Variants in ASNS observed in about 807,000 individuals in gnomAD.
ASNS encodes asparagine synthetase (glutamine-hydrolyzing).
Under a neutral mutation model 62.6 loss-of-function variants are expected in ASNS, and 37 were observed. The observed-to-expected ratio is 0.59, with a 90% CI of 0.45 to 0.78. The LOEUF (loss-of-function observed/expected upper bound fraction) is 0.78. ASNS is among the 30% of genes least tolerant of loss of function. ASNS has a pLI of 0.00. For missense variants in ASNS, 520 were observed against 682.4 expected (o/e 0.76, Z 2.65); for synonymous variants, 207 against 237.9 (o/e 0.87, Z 1.19).
the ASNS span, among the ~76,000 whole-genome samples, chr7:97,926,172 T>C: frequency 6.6e-6 from 1 of 151,246 alleles, no homozygotes; most frequent in African/African-American, 2.4e-5. Flanking sequence ...AAGCAACCCC[T>C]TGCCACCCAA....
intron 3 of ASNS, among the ~76,000 whole-genome samples, chr7:97,868,462 A>G (rs1456064453): frequency 2.6e-5 from 4 of 152,112 alleles, no homozygotes; most frequent in African/African-American, 9.7e-5. Flanking sequence ...ATAAATGCTT[A>G]TATATTTAGG....
At chr7:97,860,768 G>A (rs11768092) in intron 4 of ASNS, among the ~76,000 whole-genome samples, 22,539 of 152,200 alleles carry the variant, frequency 0.15, 2,050 homozygotes, top group Admixed American at 0.28. Context: ...AAAGTGCTAT[G>A]CATGATTTGC....
the ASNS span, among the ~76,000 whole-genome samples, chr7:97,910,757 A>C: frequency 4.5e-4 from 68 of 152,168 alleles, no homozygotes; most frequent in African/African-American, 1.6e-3. Flanking sequence ...ACCCACCACC[A>C]CACCTGGCTA....
At chr7:97,885,916 G>A in the ASNS span, 3 of 561,042 alleles carry the variant, frequency 5.3e-6, no homozygotes, top group Non-Finnish European at 1.0e-5. Flanking sequence ...GCCAATGATG[G>A]GCTCTCCTCC....
At position 97,852,482 on chromosome 7, in the gene ASNS, C is replaced by T. The variant is rs1243612145; in HGVS notation, c.1477-14G>A. Reference sequence around the variant, plus strand: ...TGCATCATCAACCTGTAAGAATAAGCATATAAGAGCAAAATGGCTTAAAAT... The same window carrying T: ...TGCATCATCAACCTGTAAGAATAAGTATATAAGAGCAAAATGGCTTAAAAT... On this transcript the variant is annotated splice_polypyrimidine_tract_variant and intron_variant, in intron 12 of 12. Transcript: ENST00000394308. The T allele has an allele frequency of 1.2e-6, 2 of 1,612,176 alleles. No individual in the cohort carries two copies. Among genetic ancestry groups the T allele is most frequent in the Non-Finnish European group, 1.7e-6 (2 of 1,178,446 alleles).
In ASNS at chr7:97,858,965, CA is replaced by C; in HGVS notation, c.674-11del. Reference sequence around the variant, plus strand: ...GTTTCTATCTCAAAACCTATAAACACAGCAGTAAATCAAACAGCTCCAGAAA... The same window carrying C: ...GTTTCTATCTCAAAACCTATAAACACGCAGTAAATCAAACAGCTCCAGAAA... On this transcript the variant is annotated splice_polypyrimidine_tract_variant and intron_variant, in intron 5 of 12. Coordinates refer to ENST00000394308, the MANE Select transcript of ASNS (RefSeq NM_001673.5). 6.3e-7 allele frequency: 1 copy of C among 1,598,944 alleles called. No homozygotes were observed. The highest frequency in any genetic ancestry group is 8.5e-7 in the Non-Finnish European group (1 of 1,174,760).
chr7:97,898,567 T>C, the ASNS span: 1 of 598,932 alleles, frequency 1.7e-6, no homozygotes, highest in Non-Finnish European at 3.0e-6. Flanking sequence ...ATCAATTTAT[T>C]GACCACTTCT....
chr7:97,881,604 T>C, the ASNS span, among the ~76,000 whole-genome samples: 1 of 152,188 alleles, frequency 6.6e-6, no homozygotes, highest in Admixed American at 6.6e-5. Flanking sequence ...GCTGTATCCA[T>C]ACAATGGAAA....
chr7:97,915,325 G>A, the ASNS span, among the ~76,000 whole-genome samples: 301 of 152,296 alleles, frequency 2.0e-3, 1 homozygote, highest in African/African-American at 6.7e-3. Flanking sequence ...CAGCCAGATC[G>A]CTTCAAACCA....
At chr7:97,918,590 T>C in the ASNS span, among the ~76,000 whole-genome samples, 2 of 152,254 alleles carry the variant, frequency 1.3e-5, no homozygotes, top group African/African-American at 4.8e-5. Flanking sequence ...ATAGCATTAT[T>C]CCATTTTTAC....
At chr7:97,901,042 G>A in the ASNS span, among the ~76,000 whole-genome samples, 9 of 152,208 alleles carry the variant, frequency 5.9e-5, no homozygotes, top group Admixed American at 4.6e-4. Flanking sequence ...TTGCACTTGT[G>A]GGTATGAAGC....
the ASNS span, among the ~76,000 whole-genome samples, chr7:97,894,984 C>G: frequency 3.9e-5 from 6 of 152,096 alleles, no homozygotes; most frequent in Non-Finnish European, 7.4e-5. Flanking sequence ...ATAATACTAC[C>G]AAGCCAAATC....
chr7:97,911,020 T>C, the ASNS span, among the ~76,000 whole-genome samples: 1 of 152,184 alleles, frequency 6.6e-6, no homozygotes, highest in Non-Finnish European at 1.5e-5. Context: ...ATAATCACAA[T>C]TGACATTTTG....
chr7:97,870,355 A>T lies in ASNS; in HGVS notation c.-59-542T>A, dbSNP rs568086959. On this transcript the variant is annotated intron_variant, in intron 1 of 12. Coordinates refer to ENST00000394308, the MANE Select transcript of ASNS (RefSeq NM_001673.5). ...AATAACTATTTTGGTGTTTTTTTTA[A>T]AAAAACTGCGAATTGCAGCAAATGC... The T allele has an allele frequency of 8.1e-4, 291 of 358,476 alleles. 1 individual carries two copies. The highest frequency in any genetic ancestry group is 5.7e-3 in the African/African-American group (264 of 46,660). 22.2% of individuals were successfully genotyped at this position (358,476 alleles called of 1,614,324 possible).
intron 8 of ASNS, among the ~76,000 whole-genome samples, chr7:97,855,847 G>T (rs1447649732): frequency 6.6e-6 from 1 of 152,098 alleles, no homozygotes; most frequent in Non-Finnish European, 1.5e-5. Context: ...TGTTAATTTT[G>T]ATGGGTATTT....
chr7:97,899,063 TC>T, the ASNS span: 14,477 of 584,650 alleles, frequency 0.025, 496 homozygotes, highest in African/African-American at 0.11. Context: ...CCAACTACTT[TC>T]TTCTTAACTC....
rs146656175 is a variant in ASNS at position 97,858,313 on chromosome 7, T to C, written c.868A>G (p.Met290Val). ...GCCAGTAAATCGGGGCTGTCTTCCATGCCAATTGCAAATGTCTGGAGAGGA... is the reference window on the plus strand; with the variant it reads ...GCCAGTAAATCGGGGCTGTCTTCCACGCCAATTGCAAATGTCTGGAGAGGA... ...QYPLQTFAIG[M>V]EDSPDLLAAR... is the part of the protein sequence containing the mutation. The change falls in exon 7 of 13, where the codon ATG becomes GTG. Residue 290 changes from methionine (M) to valine (V), a missense_variant. By Grantham distance (21) the Met-to-Val change is conservative. Transcript: ENST00000394308. 2.5e-4 allele frequency: 410 copies of C among 1,613,664 alleles called. 1 individual carries two copies. Among genetic ancestry groups the C allele is most frequent in the Non-Finnish European group, 3.3e-4 (395 of 1,180,016 alleles).
At chr7:97,896,531 A>G in the ASNS span, among the ~76,000 whole-genome samples, 2 of 145,944 alleles carry the variant, frequency 1.4e-5, no homozygotes, top group Non-Finnish European at 1.5e-5. Context: ...CGGGAGGAAG[A>G]GCTTGCAGTG....
chr7:97,882,427 A>G, the ASNS span, among the ~76,000 whole-genome samples: 1 of 152,052 alleles, frequency 6.6e-6, no homozygotes. Flanking sequence ...ACATGCCTGT[A>G]AGCCCAGCTA....
Sources: allele counts gnomAD v4.1 joint callset (sites outside exome capture counted in the v4.1 genomes callset), GRCh38; gene constraint gnomAD v4.1.1; transcripts MANE v1.5; gene names NCBI Gene and HGNC (gene_info 2026-07-23, HGNC 2026-07-21).